CTNNA2: variants seen among roughly 807,000 people sequenced by gnomAD.
The protein encoded by CTNNA2 is catenin alpha 2.
Under a neutral mutation model 101.0 loss-of-function variants are expected in CTNNA2, and 42 were observed. The observed-to-expected ratio is 0.42, with a 90% CI of 0.32 to 0.54. The LOEUF is 0.54. Ranked by LOEUF, CTNNA2 falls within the 20% of genes least tolerant of loss-of-function variation. The pLI is 0.14. For missense variants in CTNNA2, 871 were observed against 1,223.1 expected (o/e 0.71, Z 4.29); for synonymous variants, 450 against 456.4 (o/e 0.99, Z 0.18).
At chr2:80,210,797 T>G (rs1422182616) in intron 7 of CTNNA2, among the ~76,000 whole-genome samples, 2 of 152,198 alleles carry the variant, frequency 1.3e-5, no homozygotes, top group African/African-American at 4.8e-5. Context: ...CCACAGTGTC[T>G]TCCACAATGA....
chr2:79,535,971 C>T lies in CTNNA2; in HGVS notation c.-6+22764C>T, dbSNP rs544696237. Among the ~76,000 whole-genome samples, 9 of 152,310 alleles carry T rather than the reference C, an allele frequency of 5.9e-5. No individual in the cohort carries two copies. The South Asian group carries it at 1.9e-3, about 32-fold the overall frequency. ...AATGGACACGTACGTGAACAGCTCT[C>T]AAGCTCTTTTCTGATTTTGACATTT... On this transcript the variant is annotated intron_variant, in intron 1 of 18. Transcript: ENST00000402739.
At chr2:79,985,204 G>A (rs751215312) in intron 7 of CTNNA2, among the ~76,000 whole-genome samples, 6 of 152,180 alleles carry the variant, frequency 3.9e-5, no homozygotes, top group Admixed American at 6.5e-5. Context: ...CTGACCCCCC[G>A]TAGATAACTC....
At position 79,567,866 on chromosome 2, in the gene CTNNA2, A is replaced by G. The variant is rs113987400; in HGVS notation, c.-6+54659A>G. Among the ~76,000 whole-genome samples, 1,221 of 152,246 alleles carry G rather than the reference A, an allele frequency of 8.0e-3. 2 individuals carry two copies. Among genetic ancestry groups the G allele is most frequent in the African/African-American group, 0.028 (1,152 of 41,564 alleles). On this transcript the variant is annotated intron_variant, in intron 1 of 18. Transcript: ENST00000402739. ...AACTGGAGGCTCTAATCAGGAAAAA[A>G]TGGTTTGAAATTGAGGGAGAAAGTT...
At chr2:80,213,193 T>G (rs917950254) in intron 7 of CTNNA2, among the ~76,000 whole-genome samples, 1 of 152,090 alleles carries the variant, frequency 6.6e-6, no homozygotes, top group African/African-American at 2.4e-5. Context: ...TTTTGAAGGG[T>G]TTTTTGTGTC....
chr2:80,175,878 C>A (rs763970139), intron 7 of CTNNA2, among the ~76,000 whole-genome samples: 1 of 152,148 alleles, frequency 6.6e-6, no homozygotes, highest in Non-Finnish European at 1.5e-5. Context: ...GTTCAATGTT[C>A]GAGGGCAGGA....
intron 8 of CTNNA2, among the ~76,000 whole-genome samples, chr2:80,413,809 A>C (rs190312165): frequency 6.6e-6 from 1 of 152,336 alleles, no homozygotes; most frequent in East Asian, 1.9e-4. Flanking sequence ...ATATTCATGG[A>C]AAGATTTAAG....
chr2:79,770,155 A>G (rs1180434190), intron 3 of CTNNA2, among the ~76,000 whole-genome samples: 1 of 151,956 alleles, frequency 6.6e-6, no homozygotes, highest in Admixed American at 6.6e-5. Context: ...GATACTGCTA[A>G]ACATCCTGCA....
At position 80,368,565 on chromosome 2, in the gene CTNNA2, A is replaced by G. The variant is rs1161600795; in HGVS notation, c.1057-24646A>G. ...GTGGGTACAAAAAGTAAGCCTTAAC[A>G]CAAAGGCCTGTGAAAAGTATCCAAT... On this transcript the variant is annotated intron_variant, in intron 7 of 18. Coordinates refer to ENST00000402739, the MANE Select transcript of CTNNA2 (RefSeq NM_001282597.3). Among the ~76,000 whole-genome samples the G allele has an allele frequency of 2.6e-5, 4 of 152,008 alleles. No individual in the cohort carries two copies. The East Asian group carries it at 5.8e-4, about 22-fold the overall frequency.
At chr2:79,675,658 G>A (rs1480689755) in intron 2 of CTNNA2, among the ~76,000 whole-genome samples, 3 of 152,002 alleles carry the variant, frequency 2.0e-5, no homozygotes, top group African/African-American at 4.8e-5. Context: ...GTGCTTTTGG[G>A]GATCCATGGA....
intron 7 of CTNNA2, among the ~76,000 whole-genome samples, chr2:80,129,740 C>A (rs1381470874): frequency 6.6e-6 from 1 of 152,130 alleles, no homozygotes; most frequent in African/African-American, 2.4e-5. Flanking sequence ...AAACTCACAG[C>A]ATAAATCACT....
intron 9 of CTNNA2, among the ~76,000 whole-genome samples, chr2:80,495,722 T>G: frequency 6.6e-6 from 1 of 152,026 alleles, no homozygotes; most frequent in Non-Finnish European, 1.5e-5. Context: ...GCAGATTACC[T>G]GAGGTCAGGA....
In CTNNA2 at chr2:79,753,015, C is replaced by A. The variant is rs140503623; in HGVS notation, c.298+8433C>A. Among the ~76,000 whole-genome samples the A allele has an allele frequency of 3.5e-3, 535 of 152,182 alleles. 5 individuals are homozygous for A. Among genetic ancestry groups the A allele is most frequent in the African/African-American group, 0.013 (520 of 41,500 alleles). ...GCAAAAGCAGATTAGATGAAATGAT[C>A]TCGATTATTTTGAACAAAGACAGAG... On this transcript the variant is annotated intron_variant, in intron 3 of 18. Coordinates refer to ENST00000402739, the MANE Select transcript of CTNNA2 (RefSeq NM_001282597.3).
chr2:80,330,168 C>T (rs150431706), intron 7 of CTNNA2, among the ~76,000 whole-genome samples: 45 of 152,350 alleles, frequency 3.0e-4, no homozygotes, highest in Non-Finnish European at 4.7e-4. Flanking sequence ...TTAATTTGCT[C>T]GGAATTCATT....
chr2:80,546,002 C>G lies in CTNNA2; in HGVS notation c.1479C>G (p.Val493=), dbSNP rs267599473. The G allele has an allele frequency of 3.1e-6, 5 of 1,614,080 alleles. No homozygotes were observed. The highest frequency in any genetic ancestry group is 4.2e-6 in the Non-Finnish European group (5 of 1,180,012). Residue 493 remains valine (V), a synonymous_variant, in exon 11 of 19, where the codon GTC becomes GTG. Coordinates refer to ENST00000402739, the MANE Select transcript of CTNNA2 (RefSeq NM_001282597.3). ...TCAAAGACCAGTGGGAGAAGCAGGT[C>G]CGAGTGTTGACAGAGGCCGTGGATG... is the stretch of plus-strand genomic sequence containing the variant. ...DVFKDQWEKQ[V]RVLTEAVDDI...
Position 79,670,530 on chromosome 2 carries a change from TG to T in CTNNA2, c.102+18873del, listed in dbSNP as rs1280268193. ...CAGCCAGCATGATGGCAGCAGCCAC[TG>T]CCATTATTAACAGGCTGAAATAAAT... On this transcript the variant is annotated intron_variant, in intron 2 of 18. Coordinates refer to ENST00000402739, the MANE Select transcript of CTNNA2 (RefSeq NM_001282597.3). Among the ~76,000 whole-genome samples, 5 of 152,338 alleles carry T rather than the reference TG, an allele frequency of 3.3e-5. No individual in the cohort carries two copies. The East Asian group carries it at 9.7e-4, about 30-fold the overall frequency.
chr2:80,619,166 A>C lies in CTNNA2; in HGVS notation c.2512A>C (p.Thr838Pro), dbSNP rs1315572661. Reference sequence around the variant, plus strand: ...TGGGGGCAGGGCTAGTCAACTTTCTACCCACCTCCCAACCTGTGCTGAGGG... The same window carrying C: ...TGGGGGCAGGGCTAGTCAACTTTCTCCCCACCTCCCAACCTGTGCTGAGGG... The part of the protein sequence containing the change: ...IDGGRASQLS[T>P]HLPTCAEGAP... Residue 838 changes from threonine (T) to proline (P), a missense_variant, in exon 18 of 19, where the codon ACC (threonine) becomes CCC (proline). By Grantham distance (38) the Thr-to-Pro change is conservative. Coordinates refer to ENST00000402739, the MANE Select transcript of CTNNA2 (RefSeq NM_001282597.3). 2 of 1,578,534 alleles carry C rather than the reference A, an allele frequency of 1.3e-6. No homozygotes were observed. The highest frequency in any genetic ancestry group is 1.8e-5 in the Admixed American group (1 of 56,064).
chr2:80,176,637 A>G (rs1705414312), intron 7 of CTNNA2, among the ~76,000 whole-genome samples: 1 of 152,174 alleles, frequency 6.6e-6, no homozygotes, highest in Non-Finnish European at 1.5e-5. Context: ...TTGGGTTGTT[A>G]TAGTTTTCCA....
chr2:79,454,844 C>T (rs1041772665), intron 4 of CTNNA2, among the ~76,000 whole-genome samples: 6 of 152,192 alleles, frequency 3.9e-5, no homozygotes, highest in Non-Finnish European at 8.8e-5. Context: ...GCAAATTAGA[C>T]ACTCCATAGA....
At chr2:79,993,041 A>G (rs1332759948) in intron 7 of CTNNA2, among the ~76,000 whole-genome samples, 1 of 152,138 alleles carries the variant, frequency 6.6e-6, no homozygotes, top group Non-Finnish European at 1.5e-5. Context: ...TCTACCAAGA[A>G]CCATCAACAG....
Sources: gnomAD v4.1 joint callset for allele counts (sites outside exome capture counted in the v4.1 genomes callset) on GRCh38, gnomAD v4.1.1 for gene constraint, MANE v1.5 for transcripts, NCBI Gene and HGNC (gene_info 2026-07-23, HGNC 2026-07-21) for gene names.